NOTCH2: variants seen among roughly 807,000 people sequenced by gnomAD.
NOTCH2 encodes the protein neurogenic locus notch homolog protein 2.
In NOTCH2, 29 loss-of-function variants were observed where a neutral mutation model predicts 235.8. That is an observed-to-expected ratio of 0.12 (90% CI 0.09 to 0.17). The LOEUF (loss-of-function observed/expected upper bound fraction) is 0.17. Among genes scored for constraint, NOTCH2 ranks in the 10% least tolerant of loss-of-function variants. The probability of loss-of-function intolerance (pLI) is 1.00; values close to 1 mark genes in which losing one functional copy is unlikely to be tolerated. For missense variants in NOTCH2, 2,285 were observed against 3,150.2 expected, an observed-to-expected ratio of 0.73 and a Z score of 6.57; for synonymous variants, 1,086 against 1,141.5, an observed-to-expected ratio of 0.95 and a Z score of 0.98.
At chr1:120,000,231 A>G (rs1160263707) in intron 3 of NOTCH2, among the ~76,000 whole-genome samples, 7 of 151,824 alleles carry the variant, frequency 4.6e-5, no homozygotes, top group Admixed American at 4.6e-4. Context: ...AAAATAGCAT[A>G]TGTATAAAAG....
At chr1:120,045,960 T>C (rs1654769916) in intron 1 of NOTCH2, among the ~76,000 whole-genome samples, 1 of 152,282 alleles carries the variant, frequency 6.6e-6, no homozygotes, top group Non-Finnish European at 1.5e-5. Context: ...CTAAAAAACA[T>C]ATAAGCTTTA....
chr1:119,986,271 T>C (rs1242419168), intron 5 of NOTCH2, among the ~76,000 whole-genome samples: 1 of 152,138 alleles, frequency 6.6e-6, no homozygotes, highest in African/African-American at 2.4e-5. Context: ...TTTCAGTAGA[T>C]AAACAGACAT....
intron 1 of NOTCH2, among the ~76,000 whole-genome samples, chr1:120,041,895 G>C (rs1278133370): frequency 2.6e-4 from 35 of 135,286 alleles, no homozygotes; most frequent in Non-Finnish European, 4.4e-4. Context: ...AAAAAGAAAA[G>C]AGAGAGAGGA....
At chr1:119,974,655 C>T (rs186716417) in intron 5 of NOTCH2, among the ~76,000 whole-genome samples, 76 of 152,298 alleles carry the variant, frequency 5.0e-4, no homozygotes, top group Non-Finnish European at 2.8e-4. Flanking sequence ...TCTCTCCTGC[C>T]TCAGTGCTGC....
At chr1:119,944,561 C>T (rs1245268026) in intron 17 of NOTCH2, among the ~76,000 whole-genome samples, 1 of 148,966 alleles carries the variant, frequency 6.7e-6, no homozygotes, top group Non-Finnish European at 1.5e-5. Flanking sequence ...AAAAAGACCA[C>T]CACACCAACA....
At chr1:120,028,771 GAAC>G (rs1262511538) in intron 2 of NOTCH2, among the ~76,000 whole-genome samples, 3 of 131,930 alleles carry the variant, frequency 2.3e-5, no homozygotes, top group African/African-American at 9.3e-5. Flanking sequence ...CCAAAGCAAA[GAAC>G]AACTACTCCT....
Position 119,912,097 on chromosome 1 carries a change from C to T in NOTCH2, c.*3209G>A, listed in dbSNP as rs1648915090. On this transcript the variant is annotated 3_prime_UTR_variant, in exon 34 of 34. Coordinates refer to ENST00000256646, the MANE Select transcript of NOTCH2 (RefSeq NM_024408.4). ...TTTTATTTTGTGATAAAAATGCTTT[C>T]ATATAAATTTCATCTTAACTACCTT... The T allele has an allele frequency of 8.6e-6, 2 of 233,604 alleles. No homozygotes were observed. The highest frequency in any genetic ancestry group is 1.7e-5 in the Non-Finnish European group (2 of 118,016). The allele number at this position is 233,604 out of a possible 1,614,324, so 14.5% of individuals were successfully genotyped here.
chr1:119,970,672 T>C (rs1651327054), intron 5 of NOTCH2, among the ~76,000 whole-genome samples: 2 of 152,108 alleles, frequency 1.3e-5, no homozygotes, highest in South Asian at 4.2e-4. Context: ...AACAAGATAA[T>C]GTCTTCAACT....
intron 11 of NOTCH2, among the ~76,000 whole-genome samples, chr1:119,960,854 C>T (rs1318821703): frequency 2.6e-5 from 4 of 151,896 alleles, no homozygotes; most frequent in African/African-American, 7.3e-5. Flanking sequence ...TTTGTAGGGA[C>T]GAGGTTTTGC....
intron 3 of NOTCH2, among the ~76,000 whole-genome samples, chr1:120,001,453 T>C (rs1226298790): frequency 2.6e-5 from 4 of 152,110 alleles, no homozygotes; most frequent in Non-Finnish European, 5.9e-5. Context: ...GTCCTAACAT[T>C]TGTGCTCATG....
chr1:120,069,350 G>A lies in NOTCH2; in HGVS notation c.57C>T (p.Cys19=), dbSNP rs11810554. 679 of 1,569,168 alleles carry A rather than the reference G, an allele frequency of 4.3e-4. 1 individual carries two copies. The highest frequency in any genetic ancestry group is 5.2e-4 in the Non-Finnish European group (608 of 1,166,982). Residue 19 remains cysteine, a synonymous_variant, in exon 1 of 34, where the codon TGC becomes TGT. Coordinates refer to ENST00000256646, the MANE Select transcript of NOTCH2 (RefSeq NM_024408.4). ...GATACTCACCATGCGCGGGGGCCGC[G>A]CAGCACAGCCAGAGCGCCAGCAGCG... The part of the protein sequence containing the change: ...LWALLALWLC[C]AAPAHALQCR...
At chr1:119,931,378 A>G (rs1649654866) in intron 22 of NOTCH2, among the ~76,000 whole-genome samples, 2 of 152,166 alleles carry the variant, frequency 1.3e-5, no homozygotes. Context: ...TTTGGTTAGC[A>G]AGACTCCTCA....
intron 1 of NOTCH2, among the ~76,000 whole-genome samples, chr1:120,054,967 A>AC (rs778061059): frequency 1.3e-3 from 199 of 150,792 alleles, no homozygotes; most frequent in Admixed American, 2.2e-3. Flanking sequence ...TAGTGCACAA[A>AC]ATGTTTACAT....
chr1:119,967,990 T>C, intron 7 of NOTCH2, 87 bp downstream of exon 7: 1 of 1,473,510 alleles, frequency 6.8e-7, no homozygotes, highest in Non-Finnish European at 9.5e-7. Context: ...GTATGTAATT[T>C]GCTTCTACAG....
intron 2 of NOTCH2, among the ~76,000 whole-genome samples, chr1:120,006,074 G>A (rs1553206244): frequency 6.6e-6 from 1 of 151,818 alleles, no homozygotes; most frequent in Admixed American, 6.6e-5. Flanking sequence ...GATATCATGT[G>A]CTTTTCCTCA....
chr1:119,954,111 C>T (rs1298597715), intron 13 of NOTCH2, among the ~76,000 whole-genome samples: 1 of 152,186 alleles, frequency 6.6e-6, no homozygotes, highest in African/African-American at 2.4e-5. Context: ...CTCTAAGATG[C>T]TCCTGGGATA....
chr1:119,977,546 C>T (rs1553201104), intron 5 of NOTCH2, among the ~76,000 whole-genome samples: 1 of 152,216 alleles, frequency 6.6e-6, no homozygotes, highest in African/African-American at 2.4e-5. Flanking sequence ...AACACTGCCA[C>T]TGACAGGAAA....
At position 119,937,413 on chromosome 1, in the gene NOTCH2, T is replaced by C. The variant is rs1649896813; in HGVS notation, c.3391A>G (p.Asn1131Asp). 6.2e-7 allele frequency: 1 copy of C among 1,614,128 alleles called. No homozygotes were observed. The highest frequency in any genetic ancestry group is 8.5e-7 in the Non-Finnish European group (1 of 1,180,046). Reference protein sequence around the residue: ...QHSGVCINAGNTHYCQCPLGY... With the variant: ...QHSGVCINAGDTHYCQCPLGY... Reference sequence around the variant, plus strand: ...AGGGGGCACTGACAGTAATGCGTGTTGCCAGCATTGATGCAGACACCTGAG... The same window carrying C: ...AGGGGGCACTGACAGTAATGCGTGTCGCCAGCATTGATGCAGACACCTGAG... The change falls in exon 21 of 34, where the codon AAC (asparagine) becomes GAC (aspartate). Residue 1131 changes from asparagine to aspartate, a missense_variant. Around this residue, in one of 6 missense-constraint regions of NOTCH2, gnomAD observed 1,173 missense variants for 1,515.3 expected, o/e 0.77. Transcript: ENST00000256646.
chr1:120,005,114 A>T (rs1419627004), intron 3 of NOTCH2: 85 of 771,062 alleles, frequency 1.1e-4, no homozygotes, highest in Non-Finnish European at 6.8e-5. Context: ...AAGCAGTCAA[A>T]GTATTTGGTA....
Sources: gnomAD v4.1 joint callset for allele counts (sites outside exome capture counted in the v4.1 genomes callset) on GRCh38, gnomAD v4.1.1 for gene constraint, gnomAD v4.1.1 regional missense constraint, MANE v1.5 for transcripts, NCBI Gene and HGNC (gene_info 2026-07-23, HGNC 2026-07-21) for gene names.